Variants in BRINP1 observed in about 807,000 individuals in gnomAD.
The protein encoded by BRINP1 is BMP/retinoic acid-inducible neural-specific protein 1.
Under a neutral mutation model 72.9 loss-of-function variants are expected in BRINP1, and 17 were observed. The ratio of observed to expected loss-of-function variants is 0.23; its 90% CI spans 0.16 to 0.35. BRINP1 has a LOEUF of 0.35. Among genes scored for constraint, BRINP1 ranks in the 10% least tolerant of loss-of-function variants. The pLI, the probability that BRINP1 is intolerant of heterozygous loss-of-function variation, is 1.00. For synonymous variants in BRINP1, 418 were observed against 378.5 expected (o/e 1.10, Z -1.21); for missense variants, 850 against 1,001.6 (o/e 0.85, Z 2.04).
intron 7 of BRINP1, among the ~76,000 whole-genome samples, chr9:119,173,860 T>G (rs1170721559): frequency 7.2e-6 from 1 of 139,142 alleles, no homozygotes; most frequent in Non-Finnish European, 1.5e-5. Context: ...TATCTGATCT[T>G]TGACAAACCT....
At chr9:119,175,119 T>TA (rs35857917) in intron 7 of BRINP1, among the ~76,000 whole-genome samples, 8,675 of 62,586 alleles carry the variant, frequency 0.14, 897 homozygotes, top group African/African-American at 0.37. Flanking sequence ...AAGTAAAGTA[T>TA]AAAAAAAAAA....
chr9:119,292,843 T>A (rs997819154), intron 2 of BRINP1, among the ~76,000 whole-genome samples: 2 of 152,176 alleles, frequency 1.3e-5, no homozygotes, highest in African/African-American at 4.8e-5. Context: ...TTTACAGCGG[T>A]GACTAGATGA....
chr9:119,186,392 G>T (rs1010260138), intron 7 of BRINP1, among the ~76,000 whole-genome samples: 1 of 152,132 alleles, frequency 6.6e-6, no homozygotes, highest in Admixed American at 6.6e-5. Context: ...CTGTACCTTG[G>T]CCCCAGGAAA....
At chr9:119,184,654 T>C (rs76404752) in intron 7 of BRINP1, among the ~76,000 whole-genome samples, 4,637 of 152,224 alleles carry the variant, frequency 0.03, 98 homozygotes, top group Non-Finnish European at 0.05. Context: ...GAGCTGCCTA[T>C]GAGTTTATAG....
At chr9:119,367,128 C>T (rs1831700093) in intron 1 of BRINP1, among the ~76,000 whole-genome samples, 1 of 150,326 alleles carries the variant, frequency 6.7e-6, no homozygotes, top group South Asian at 2.1e-4. Context: ...CAGGTAGAAC[C>T]CACCCACTAG....
intron 5 of BRINP1, among the ~76,000 whole-genome samples, chr9:119,231,928 G>A (rs746531417): frequency 6.6e-6 from 1 of 151,846 alleles, no homozygotes; most frequent in African/African-American, 2.4e-5. Context: ...TAATTAAATA[G>A]TATTTATATC....
At chr9:119,346,639 A>G (rs1358112309) in intron 1 of BRINP1, among the ~76,000 whole-genome samples, 2 of 152,214 alleles carry the variant, frequency 1.3e-5, no homozygotes, top group African/African-American at 4.8e-5. Context: ...AACAATTCCA[A>G]CAGGCAGAGA....
intron 2 of BRINP1, among the ~76,000 whole-genome samples, chr9:119,278,041 T>G (rs1830673548): frequency 6.6e-6 from 1 of 152,238 alleles, no homozygotes; most frequent in Non-Finnish European, 1.5e-5. Context: ...TAGTTATTCC[T>G]TATCTATACT....
chr9:119,332,110 G>A (rs996874934), intron 1 of BRINP1, among the ~76,000 whole-genome samples: 17 of 152,102 alleles, frequency 1.1e-4, no homozygotes, highest in Admixed American at 8.5e-4. Flanking sequence ...TGAATAAAAA[G>A]CTGTGCACTC....
At chr9:119,304,451 T>C (rs1830974275) in intron 2 of BRINP1, among the ~76,000 whole-genome samples, 1 of 152,080 alleles carries the variant, frequency 6.6e-6, no homozygotes. Flanking sequence ...GAGTCAGGTA[T>C]AGATAAAGGG....
At chr9:119,367,605 T>G (rs560533035) in intron 1 of BRINP1, among the ~76,000 whole-genome samples, 1 of 152,200 alleles carries the variant, frequency 6.6e-6, no homozygotes, top group African/African-American at 2.4e-5. Context: ...TCCCAGGAGA[T>G]GGAGGAAAGA....
At chr9:119,181,826 C>G (rs1419359538) in intron 7 of BRINP1, among the ~76,000 whole-genome samples, 3 of 152,168 alleles carry the variant, frequency 2.0e-5, no homozygotes, top group Non-Finnish European at 4.4e-5. Flanking sequence ...CATAGCTCTG[C>G]TACTCATTAT....
At chr9:119,362,567 G>A (rs1166154018) in intron 1 of BRINP1, among the ~76,000 whole-genome samples, 2 of 152,178 alleles carry the variant, frequency 1.3e-5, no homozygotes, top group Non-Finnish European at 2.9e-5. Context: ...TTTGTCCAAA[G>A]CCTTTCCACG....
At chr9:119,302,178 G>T (rs1040425734) in intron 2 of BRINP1, among the ~76,000 whole-genome samples, 1 of 152,206 alleles carries the variant, frequency 6.6e-6, no homozygotes, top group Non-Finnish European at 1.5e-5. Flanking sequence ...GTCGTTCACA[G>T]TTTCAACATT....
chr9:119,169,555 G>T (rs1323824976), intron 7 of BRINP1, among the ~76,000 whole-genome samples: 1 of 151,784 alleles, frequency 6.6e-6, no homozygotes, highest in Non-Finnish European at 1.5e-5. Context: ...GGCTGGGGGA[G>T]GGGCGCCCGC....
chr9:119,238,795 A>G (rs374252044), intron 4 of BRINP1, 35 bp from the exon 5 acceptor site: 6 of 1,410,244 alleles, frequency 4.3e-6, no homozygotes, highest in Non-Finnish European at 5.0e-6. Context: ...GGTGTGAGAC[A>G]GCAGTCCTTG....
At chr9:119,205,030 T>C (rs1013422967) in intron 7 of BRINP1, among the ~76,000 whole-genome samples, 1 of 152,200 alleles carries the variant, frequency 6.6e-6, no homozygotes, top group Non-Finnish European at 1.5e-5. Flanking sequence ...ATGCAATCAG[T>C]TCATTTGCAA....
intron 2 of BRINP1, among the ~76,000 whole-genome samples, chr9:119,261,314 G>A (rs1383629139): frequency 5.3e-5 from 8 of 152,142 alleles, no homozygotes; most frequent in Non-Finnish European, 1.2e-4. Flanking sequence ...TGGATACCTA[G>A]GTGAATTGGA....
intron 5 of BRINP1, among the ~76,000 whole-genome samples, chr9:119,236,450 G>A (rs943119550): frequency 1.3e-5 from 2 of 152,180 alleles, no homozygotes; most frequent in African/African-American, 4.8e-5. Context: ...TACTTGGAAG[G>A]TGCAGAATCC....
Sources: gnomAD v4.1 joint callset for allele counts (sites outside exome capture counted in the v4.1 genomes callset) on GRCh38, gnomAD v4.1.1 for gene constraint, MANE v1.5 for transcripts, NCBI Gene and HGNC (gene_info 2026-07-23, HGNC 2026-07-21) for gene names.